PTPN12: variants seen among roughly 807,000 people sequenced by gnomAD.
PTPN12 encodes tyrosine-protein phosphatase non-receptor type 12.
In PTPN12, 29 loss-of-function variants were observed where a neutral mutation model predicts 97.6. The ratio of observed to expected loss-of-function variants is 0.30; its 90% CI spans 0.22 to 0.41. PTPN12 has a LOEUF of 0.41. Ranked by LOEUF, PTPN12 falls within the 10% of genes least tolerant of loss-of-function variation. PTPN12 has a pLI of 1.00. For synonymous variants in PTPN12, 327 were observed against 300.4 expected (o/e 1.09, Z -0.91); for missense variants, 819 against 926.0 (o/e 0.88, Z 1.50).
chr7:77,615,070 A>G (rs968917561), intron 11 of PTPN12, among the ~76,000 whole-genome samples: 1 of 152,186 alleles, frequency 6.6e-6, no homozygotes. Context: ...ATTTAGAGGT[A>G]CCTTAATAAG....
At chr7:77,618,438 A>G in intron 11 of PTPN12, 42 bp from the exon 12 acceptor site, 1 of 1,321,174 alleles carries the variant, frequency 7.6e-7, no homozygotes, top group Non-Finnish European at 1.1e-6. Flanking sequence ...AGGAAAAATT[A>G]TTTTTCTCTT....
rs1411149494 is a variant in PTPN12 at position 77,537,436 on chromosome 7, C to T, written c.-111C>T. 11 of 1,122,312 alleles carry T rather than the reference C, an allele frequency of 9.8e-6. No homozygotes were observed. The African/African-American group carries it at 3.5e-4, about 35-fold the overall frequency. 69.5% of individuals were successfully genotyped at this position (1,122,312 alleles called of 1,614,324 possible). ...AGGGAGCCGCGGGGCTTGGCGGGGTCGGGAGGGAGGGACGTGCTGGGGGAA... is the reference window on the plus strand; with the variant it reads ...AGGGAGCCGCGGGGCTTGGCGGGGTTGGGAGGGAGGGACGTGCTGGGGGAA... On this transcript the variant is annotated 5_prime_UTR_variant, in exon 1 of 18. Transcript: ENST00000248594.
chr7:77,582,081 G>GTTTTTT (rs1237836254), intron 3 of PTPN12, among the ~76,000 whole-genome samples: 4 of 74,332 alleles, frequency 5.4e-5, no homozygotes, highest in African/African-American at 1.0e-4. Flanking sequence ...AAGCAGTCAA[G>GTTTTTT]TTCTTTTTTT....
At chr7:77,620,248 C>T (rs561137206) in intron 12 of PTPN12, among the ~76,000 whole-genome samples, 2 of 152,178 alleles carry the variant, frequency 1.3e-5, no homozygotes, top group South Asian at 4.1e-4. Context: ...AATAGAATAT[C>T]TGAATTTAAA....
At chr7:77,587,759 T>C (rs956332268) in intron 5 of PTPN12, among the ~76,000 whole-genome samples, 1 of 152,228 alleles carries the variant, frequency 6.6e-6, no homozygotes, top group Non-Finnish European at 1.5e-5. Context: ...ACTGAAAATA[T>C]GTCATTTAGT....
intron 16 of PTPN12, among the ~76,000 whole-genome samples, chr7:77,637,549 A>G (rs1789636275): frequency 6.6e-6 from 1 of 152,152 alleles, no homozygotes; most frequent in Admixed American, 6.6e-5. Context: ...TCTAAACAAC[A>G]TAAAACTTTA....
chr7:77,594,524 C>T, intron 6 of PTPN12, among the ~76,000 whole-genome samples: 1 of 151,988 alleles, frequency 6.6e-6, no homozygotes, highest in East Asian at 1.9e-4. Flanking sequence ...TTGTATATAT[C>T]TTTTTGAGAC....
chr7:77,588,326 C>A (rs1405468251), intron 5 of PTPN12, among the ~76,000 whole-genome samples: 1 of 151,982 alleles, frequency 6.6e-6, no homozygotes, highest in Non-Finnish European at 1.5e-5. Flanking sequence ...AATATTGTGT[C>A]TCAGGAAATA....
chr7:77,594,673 T>C (rs1787970140), intron 6 of PTPN12, among the ~76,000 whole-genome samples: 1 of 152,016 alleles, frequency 6.6e-6, no homozygotes, highest in Non-Finnish European at 1.5e-5. Context: ...CACTACTAAT[T>C]TTTGTCTTTT....
intron 13 of PTPN12, among the ~76,000 whole-genome samples, chr7:77,628,803 G>T (rs1216316940): frequency 1.3e-5 from 2 of 152,012 alleles, no homozygotes; most frequent in Admixed American, 6.6e-5. Context: ...CTCCCAAAGT[G>T]CTGGGATTAC....
At chr7:77,614,308 T>C (rs1406533840) in intron 11 of PTPN12, among the ~76,000 whole-genome samples, 1 of 152,256 alleles carries the variant, frequency 6.6e-6, no homozygotes, top group East Asian at 1.9e-4. Context: ...TAAGGTTTTA[T>C]TCCATTGAAT....
rs146239675 is a variant in PTPN12 at position 77,635,208 on chromosome 7, G to T, written c.2075-574G>T. The stretch of plus-strand genomic sequence containing the variant: ...GGGAGACCAAGGCAGGTGGATCTCT[G>T]TTCCATTTGCCCTAGGAGTTTGAGA... On this transcript the variant is annotated intron_variant, in intron 14 of 17. Coordinates refer to ENST00000248594, the MANE Select transcript of PTPN12 (RefSeq NM_002835.4). Among the ~76,000 whole-genome samples the T allele has an allele frequency of 2.0e-3, 307 of 152,284 alleles. 3 individuals are homozygous for T. Among genetic ancestry groups the T allele is most frequent in the African/African-American group, 6.8e-3 (281 of 41,556 alleles).
At chr7:77,570,129 T>G (rs1266422706) in intron 1 of PTPN12, among the ~76,000 whole-genome samples, 2 of 152,212 alleles carry the variant, frequency 1.3e-5, no homozygotes, top group African/African-American at 4.8e-5. Flanking sequence ...TAAATCTTTA[T>G]CATAAAGAAA....
Position 77,637,857 on chromosome 7 carries a change from C to CAAAAAA in PTPN12, c.2174-753_2174-748dup, listed in dbSNP as rs754983873. ...GGGCAACAAGAGGGAAACTCCGTCT[C>CAAAAAA]AAAAAAAAAAAAAAAAAAACAAGTA... On this transcript the variant is annotated intron_variant, in intron 16 of 17. Transcript: ENST00000248594. 1.6e-4 allele frequency among the ~76,000 whole-genome samples: 9 copies of CAAAAAA among 55,618 alleles called. 1 individual carries two copies. Among genetic ancestry groups the CAAAAAA allele is most frequent in the South Asian group, 9.0e-4 (1 of 1,116 alleles). The allele number at this position is 55,618 out of a possible 152,430, so 36.5% of individuals were successfully genotyped here.
At chr7:77,569,507 A>G (rs1242104939) in intron 1 of PTPN12, among the ~76,000 whole-genome samples, 2 of 152,150 alleles carry the variant, frequency 1.3e-5, no homozygotes, top group Non-Finnish European at 2.9e-5. Context: ...CGCGTGGCTC[A>G]CACCTGTAAT....
intron 5 of PTPN12, among the ~76,000 whole-genome samples, chr7:77,585,918 G>A (rs2151336410): frequency 6.6e-6 from 1 of 152,150 alleles, no homozygotes; most frequent in Non-Finnish European, 1.5e-5. Flanking sequence ...TAAATGTTCA[G>A]TAGCATTATA....
Position 77,632,371 on chromosome 7 carries a change from C to G in PTPN12, c.2020C>G (p.Pro674Ala). The part of the protein sequence containing the change: ...EKDVDVSEDS[P>A]PPLPERTPES... ...AGATGTTGATGTTAGTGAAGATTCA[C>G]CTCCTCCCCTACCTGAAAGAACTCC... Residue 674 changes from proline to alanine, a missense_variant, in exon 14 of 18, where the codon CCT becomes GCT. This residue lies in a region of PTPN12 where 607 missense variants were observed against 577.3 expected (regional missense o/e 1.05). Coordinates refer to ENST00000248594, the MANE Select transcript of PTPN12 (RefSeq NM_002835.4). 1.2e-6 allele frequency: 2 copies of G among 1,609,368 alleles called. No individual in the cohort carries two copies. The highest frequency in any genetic ancestry group is 1.7e-6 in the Non-Finnish European group (2 of 1,175,798).
chr7:77,634,283 T>C (rs1452408097), intron 14 of PTPN12, among the ~76,000 whole-genome samples: 2 of 152,144 alleles, frequency 1.3e-5, no homozygotes, highest in Admixed American at 6.5e-5. Flanking sequence ...TTCTCCCTAT[T>C]AATCCTCTAA....
intron 12 of PTPN12, among the ~76,000 whole-genome samples, chr7:77,620,815 G>A (rs1359308081): frequency 2.0e-5 from 3 of 152,174 alleles, no homozygotes; most frequent in South Asian, 2.1e-4. Flanking sequence ...AGGCGTGGTG[G>A]CACGCGCCTG....
Sources: allele counts gnomAD v4.1 joint callset (sites outside exome capture counted in the v4.1 genomes callset), GRCh38; gene constraint gnomAD v4.1.1; regional missense constraint gnomAD v4.1.1; transcripts MANE v1.5; gene names NCBI Gene and HGNC (gene_info 2026-07-23, HGNC 2026-07-21).